Variants in CNTNAP2 observed in about 807,000 individuals in gnomAD.
CNTNAP2 encodes the protein contactin-associated protein-like 2.
Under a neutral mutation model 155.2 loss-of-function variants are expected in CNTNAP2, and 98 were observed. That is an observed-to-expected ratio of 0.63 (90% CI 0.54 to 0.75). The LOEUF (loss-of-function observed/expected upper bound fraction) is 0.75, where lower values mean the gene tolerates loss of function less well. CNTNAP2 is among the 30% of genes least tolerant of loss of function. CNTNAP2 has a pLI of 0.00. For synonymous variants in CNTNAP2, 651 were observed against 631.2 expected, an observed-to-expected ratio of 1.03 and a Z score of -0.47; for missense variants, 1,727 against 1,688.1, an observed-to-expected ratio of 1.02 and a Z score of -0.40.
chr7:147,018,352 C>T (rs1477285720), intron 3 of CNTNAP2, among the ~76,000 whole-genome samples: 1 of 152,090 alleles, frequency 6.6e-6, no homozygotes, highest in Admixed American at 6.6e-5. Context: ...ATAATACCCA[C>T]TCTATGACTC....
At chr7:147,186,851 A>G (rs1269494910) in intron 8 of CNTNAP2, among the ~76,000 whole-genome samples, 2 of 151,232 alleles carry the variant, frequency 1.3e-5, no homozygotes, top group African/African-American at 2.4e-5. Context: ...GGTTTGGTCC[A>G]GTTGAAGAAG....
chr7:148,267,256 A>G, intron 21 of CNTNAP2, 130 bp downstream of exon 21: 1 of 814,592 alleles, frequency 1.2e-6, no homozygotes, highest in Non-Finnish European at 2.1e-6. Context: ...CTGTACAGGA[A>G]AGTTACGTGG....
At chr7:146,152,014 T>A (rs62504800) in intron 1 of CNTNAP2, among the ~76,000 whole-genome samples, 24,983 of 151,284 alleles carry the variant, frequency 0.17, 2,562 homozygotes, top group East Asian at 0.28. Flanking sequence ...CACTACTGAG[T>A]ATATAGTCAA....
intron 1 of CNTNAP2, among the ~76,000 whole-genome samples, chr7:146,151,122 A>G (rs1187557229): frequency 6.6e-6 from 1 of 152,098 alleles, no homozygotes; most frequent in Non-Finnish European, 1.5e-5. Context: ...TATCATGAGA[A>G]CTGCATGGAG....
chr7:147,969,835 G>A (rs566441813), intron 14 of CNTNAP2, among the ~76,000 whole-genome samples: 5 of 151,754 alleles, frequency 3.3e-5, no homozygotes, highest in Non-Finnish European at 5.9e-5. Context: ...CCATGAAGTA[G>A]CATCTTATTT....
In CNTNAP2 at chr7:147,066,111, G is replaced by T. The variant is rs556514434; in HGVS notation, c.550+22057G>T. On this transcript the variant is annotated intron_variant, in intron 4 of 23. Coordinates refer to ENST00000361727, the MANE Select transcript of CNTNAP2 (RefSeq NM_014141.6). ...AGCTTGATATCTGCAACAGGAGCTT[G>T]ATGTACAGAAACTAGAAGGCAACAA... Among the ~76,000 whole-genome samples, 34 of 152,298 alleles carry T rather than the reference G, an allele frequency of 2.2e-4. No individual in the cohort carries two copies. The South Asian group carries it at 6.6e-3, about 30-fold the overall frequency.
intron 10 of CNTNAP2, among the ~76,000 whole-genome samples, chr7:147,447,155 A>T (rs826641): frequency 0.34 from 52,349 of 152,010 alleles, 9,252 homozygotes; most frequent in African/African-American, 0.41. Flanking sequence ...GCTTATTTCA[A>T]CCATGATGGA....
intron 12 of CNTNAP2, among the ~76,000 whole-genome samples, chr7:147,610,524 G>A (rs1367152128): frequency 6.6e-6 from 1 of 152,132 alleles, no homozygotes; most frequent in South Asian, 2.1e-4. Flanking sequence ...ACATTTTGGG[G>A]TGGTATTTTC....
intron 17 of CNTNAP2, among the ~76,000 whole-genome samples, chr7:148,156,104 C>T (rs1805393306): frequency 6.6e-6 from 1 of 152,168 alleles, no homozygotes; most frequent in African/African-American, 2.4e-5. Flanking sequence ...GTCGCCATGG[C>T]AAAGATCTAG....
intron 4 of CNTNAP2, among the ~76,000 whole-genome samples, chr7:147,072,160 G>T (rs942009481): frequency 1.3e-5 from 2 of 152,008 alleles, no homozygotes; most frequent in Non-Finnish European, 2.9e-5. Context: ...TAGGAGGAAG[G>T]GTCATATTTC....
At chr7:148,113,765 T>C (rs994439460) in intron 15 of CNTNAP2, among the ~76,000 whole-genome samples, 1 of 152,182 alleles carries the variant, frequency 6.6e-6, no homozygotes, top group Admixed American at 6.5e-5. Context: ...GCTTCTCATG[T>C]GATTGACTCA....
intron 13 of CNTNAP2, among the ~76,000 whole-genome samples, chr7:147,861,855 A>C (rs1041446254): frequency 2.6e-5 from 4 of 151,964 alleles, no homozygotes; most frequent in Non-Finnish European, 5.9e-5. Context: ...ATGTCTAATA[A>C]AAATATAAAA....
intron 8 of CNTNAP2, among the ~76,000 whole-genome samples, chr7:147,133,837 T>C (rs917509012): frequency 1.3e-5 from 2 of 152,090 alleles, no homozygotes; most frequent in Non-Finnish European, 2.9e-5. Context: ...AAATACCTAG[T>C]TATTCACTTT....
chr7:146,180,824 A>G (rs1470860459), intron 1 of CNTNAP2, among the ~76,000 whole-genome samples: 1 of 152,214 alleles, frequency 6.6e-6, no homozygotes, highest in African/African-American at 2.4e-5. Flanking sequence ...AGAAGTTAAT[A>G]TCACCAAGGT....
chr7:147,491,198 A>G (rs1306685540), intron 11 of CNTNAP2, among the ~76,000 whole-genome samples: 1 of 152,118 alleles, frequency 6.6e-6, no homozygotes, highest in Non-Finnish European at 1.5e-5. Flanking sequence ...TAATATGGCC[A>G]TGTCTTTAAC....
At chr7:147,522,379 A>T (rs551255188) in intron 11 of CNTNAP2, among the ~76,000 whole-genome samples, 1 of 152,346 alleles carries the variant, frequency 6.6e-6, no homozygotes, top group Admixed American at 6.5e-5. Context: ...TATTTTCAAT[A>T]AATGCCTGGG....
At chr7:147,281,690 T>A (rs1235939865) in intron 8 of CNTNAP2, among the ~76,000 whole-genome samples, 1 of 151,854 alleles carries the variant, frequency 6.6e-6, no homozygotes, top group Non-Finnish European at 1.5e-5. Flanking sequence ...AATATATTCA[T>A]AAGATGAATA....
At chr7:146,763,012 C>G (rs1354967207) in intron 1 of CNTNAP2, among the ~76,000 whole-genome samples, 1 of 151,058 alleles carries the variant, frequency 6.6e-6, no homozygotes, top group African/African-American at 2.4e-5. Flanking sequence ...ACAAAGCCCA[C>G]AACATGTGGG....
At chr7:147,051,384 C>T (rs1221477081) in intron 4 of CNTNAP2, among the ~76,000 whole-genome samples, 7 of 151,908 alleles carry the variant, frequency 4.6e-5, no homozygotes, top group Non-Finnish European at 7.4e-5. Flanking sequence ...GAACCTGTAT[C>T]GCATTCAGGC....
Sources: allele counts gnomAD v4.1 joint callset (sites outside exome capture counted in the v4.1 genomes callset), GRCh38; gene constraint gnomAD v4.1.1; transcripts MANE v1.5; gene names NCBI Gene and HGNC (gene_info 2026-07-23, HGNC 2026-07-21).